The following RAB11A variants were observed in gnomAD, a reference collection of about 807,000 sequenced individuals.
RAB11A encodes ras-related protein Rab-11A.
Under a neutral mutation model 28.0 loss-of-function variants are expected in RAB11A, and 9 were observed. That is an observed-to-expected ratio of 0.32 (90% CI 0.19 to 0.56). RAB11A has a LOEUF of 0.56. Among genes scored for constraint, RAB11A ranks in the 20% least tolerant of loss-of-function variants. The probability of loss-of-function intolerance (pLI) is 0.91; values close to 1 mark genes in which losing one functional copy is unlikely to be tolerated. For synonymous variants in RAB11A, 85 were observed against 88.2 expected (o/e 0.96, Z 0.20); for missense variants, 108 against 269.6 (o/e 0.40, Z 4.20).
Position 65,888,428 on chromosome 15 carries a change from A to AG in RAB11A, c.*594dup. 6.6e-6 allele frequency: 1 copy of AG among 152,662 alleles called. No homozygotes were observed. The allele number at this position is 152,662 out of a possible 1,614,324, so 9.5% of individuals were successfully genotyped here. ...TTGTAAGCATCAAAGTTGATTAGAG[A>AG]GGGGGGCACTTTTTCTGGAGAATTC... On this transcript the variant is annotated 3_prime_UTR_variant, in exon 5 of 5. Transcript: ENST00000261890.
intron 1 of RAB11A, among the ~76,000 whole-genome samples, chr15:65,875,908 G>T (rs2078189017): frequency 6.6e-6 from 1 of 152,162 alleles, no homozygotes; most frequent in African/African-American, 2.4e-5. Flanking sequence ...TTCTAGTCCT[G>T]ATGTCTAAAT....
chr15:65,869,731 C>A, intron 1 of RAB11A, 106 bp downstream of exon 1: 1 of 1,199,250 alleles, frequency 8.3e-7, no homozygotes, highest in Non-Finnish European at 1.2e-6. Context: ...AGGCCTCCCT[C>A]AGCCCTTCCT....
intron 4 of RAB11A, among the ~76,000 whole-genome samples, chr15:65,880,151 T>G (rs1399946587): frequency 6.6e-6 from 1 of 152,204 alleles, no homozygotes; most frequent in Non-Finnish European, 1.5e-5. Context: ...TTTTTAAAAA[T>G]TATAGCGACA....
intron 4 of RAB11A, among the ~76,000 whole-genome samples, chr15:65,882,789 C>T (rs895451315): frequency 2.0e-5 from 3 of 152,156 alleles, no homozygotes; most frequent in African/African-American, 7.2e-5. Flanking sequence ...CTCTGAATTT[C>T]AGTACAGCTT....
At chr15:65,879,828 C>G (rs1486471560) in intron 4 of RAB11A, 77 bp downstream of exon 4, 1 of 1,119,698 alleles carries the variant, frequency 8.9e-7, no homozygotes, top group Non-Finnish European at 1.3e-6. Context: ...TAATCAGTAA[C>G]TAAACTATAT....
At chr15:65,884,255 A>G (rs2141107829) in intron 4 of RAB11A, among the ~76,000 whole-genome samples, 1 of 152,364 alleles carries the variant, frequency 6.6e-6, no homozygotes, top group East Asian at 1.9e-4. Flanking sequence ...CCTTTCAGTC[A>G]TTCAATCAGA....
At chr15:65,878,944 A>G (rs2660622) in intron 3 of RAB11A, among the ~76,000 whole-genome samples, 136,664 of 151,748 alleles carry the variant, frequency 0.9, 62,107 homozygotes, top group Non-Finnish European at 0.96. Flanking sequence ...GTACTTAGAT[A>G]TAACAAGTAT....
intron 1 of RAB11A, among the ~76,000 whole-genome samples, chr15:65,873,365 A>G (rs2078174833): frequency 6.6e-6 from 1 of 152,122 alleles, no homozygotes; most frequent in Non-Finnish European, 1.5e-5. Flanking sequence ...TTTCAATCAC[A>G]TTGGAGGTCA....
At chr15:65,886,314 A>C (rs1270169010) in intron 4 of RAB11A, among the ~76,000 whole-genome samples, 2 of 152,232 alleles carry the variant, frequency 1.3e-5, no homozygotes, top group Non-Finnish European at 2.9e-5. Flanking sequence ...AATTTTATTT[A>C]ATTAAAATAG....
At position 65,869,538 on chromosome 15, in the gene RAB11A, C is replaced by T; in HGVS notation, c.-48C>T. ...TACCCCTGCAGCGACGCCCCCTGGT[C>T]CCACAGATACCACTGCTGCTCCCGC... On this transcript the variant is annotated 5_prime_UTR_variant, in exon 1 of 5. Coordinates refer to ENST00000261890, the MANE Select transcript of RAB11A (RefSeq NM_004663.5). The T allele has an allele frequency of 2.5e-6, 4 of 1,601,100 alleles. No individual in the cohort carries two copies. The highest frequency in any genetic ancestry group is 2.2e-5 in the East Asian group (1 of 44,738).
chr15:65,883,117 A>T (rs1354802697), intron 4 of RAB11A, among the ~76,000 whole-genome samples: 2 of 152,246 alleles, frequency 1.3e-5, no homozygotes. Flanking sequence ...TTATAGCCAC[A>T]GTATAATTAT....
At position 65,890,948 on chromosome 15, in the gene RAB11A, G is replaced by T. The variant is rs574393585; in HGVS notation, c.*3108G>T. On this transcript the variant is annotated 3_prime_UTR_variant, in exon 5 of 5. Transcript: ENST00000261890. ...AAAATTAAAACAAAAAATGAATTTTGTAAAAGGTTATGTATGACTTCCATT... is the reference window on the plus strand; with the variant it reads ...AAAATTAAAACAAAAAATGAATTTTTTAAAAGGTTATGTATGACTTCCATT... 2 of 152,336 alleles carry T rather than the reference G, an allele frequency of 1.3e-5. No homozygotes were observed. The highest frequency in any genetic ancestry group is 4.1e-4 in the South Asian group (2 of 4,834). 9.4% of individuals were successfully genotyped at this position (152,336 alleles called of 1,614,324 possible).
At chr15:65,885,449 A>C (rs1205639145) in intron 4 of RAB11A, among the ~76,000 whole-genome samples, 2 of 152,162 alleles carry the variant, frequency 1.3e-5, no homozygotes, top group Admixed American at 1.3e-4. Context: ...TTTAATGTGC[A>C]ATCCATATTC....
Position 65,888,046 on chromosome 15 carries a change from C to G in RAB11A, c.*206C>G. On this transcript the variant is annotated 3_prime_UTR_variant, in exon 5 of 5. Transcript: ENST00000261890. Reference sequence around the variant, plus strand: ...AGCTTTTTTTCATGCTATGGCTTCACTAGCCTTAGTTTAATAAACTGAATG... The same window carrying G: ...AGCTTTTTTTCATGCTATGGCTTCAGTAGCCTTAGTTTAATAAACTGAATG... 1 of 461,672 alleles carries G rather than the reference C, an allele frequency of 2.2e-6. No individual in the cohort carries two copies. Among genetic ancestry groups the G allele is most frequent in the South Asian group, 4.8e-5 (1 of 20,642 alleles). 28.6% of individuals were successfully genotyped at this position (461,672 alleles called of 1,614,324 possible). A position where few individuals can be genotyped will look rare whatever the true frequency, so the allele number is the denominator to read the frequency against.
intron 1 of RAB11A, among the ~76,000 whole-genome samples, chr15:65,871,037 G>T (rs778655989): frequency 2.0e-4 from 31 of 152,162 alleles, no homozygotes; most frequent in Non-Finnish European, 4.0e-4. Flanking sequence ...TACCACTGAG[G>T]AAGAAGCCAT....
At chr15:65,871,987 A>G in intron 1 of RAB11A, among the ~76,000 whole-genome samples, 1 of 124,372 alleles carries the variant, frequency 8.0e-6, no homozygotes. Flanking sequence ...GCTGGAGTGC[A>G]GTGGCACAAT....
chr15:65,873,751 G>A (rs2078177046), intron 1 of RAB11A, among the ~76,000 whole-genome samples: 1 of 151,152 alleles, frequency 6.6e-6, no homozygotes, highest in South Asian at 2.1e-4. Context: ...CCCACTTACA[G>A]AAATAAAATT....
chr15:65,883,503 A>C (rs548145123), intron 4 of RAB11A, among the ~76,000 whole-genome samples: 2 of 152,284 alleles, frequency 1.3e-5, no homozygotes, highest in African/African-American at 4.8e-5. Flanking sequence ...ATTACTAGTG[A>C]TGTTAACTTT....
At chr15:65,872,838 T>A (rs888486202) in intron 1 of RAB11A, among the ~76,000 whole-genome samples, 4 of 152,220 alleles carry the variant, frequency 2.6e-5, no homozygotes, top group Non-Finnish European at 5.9e-5. Flanking sequence ...TATACAAGTA[T>A]CCTACTTTAA....
Sources: allele counts gnomAD v4.1 joint callset (sites outside exome capture counted in the v4.1 genomes callset), GRCh38; gene constraint gnomAD v4.1.1; transcripts MANE v1.5; gene names NCBI Gene and HGNC (gene_info 2026-07-23, HGNC 2026-07-21).